Variants in TJP1 observed in about 807,000 individuals in gnomAD.
TJP1 encodes the protein tight junction protein ZO-1.
A neutral mutation model predicts 194.2 loss-of-function variants in TJP1; 43 were observed. The observed-to-expected ratio is 0.22, with a 90% CI of 0.17 to 0.29. The LOEUF (loss-of-function observed/expected upper bound fraction) is 0.29. TJP1 is among the 10% of genes least tolerant of loss of function. TJP1 has a pLI of 1.00. For synonymous variants in TJP1, 801 were observed against 779.0 expected, an observed-to-expected ratio of 1.03 and a Z score of -0.47; for missense variants, 1,971 against 2,185.7, an observed-to-expected ratio of 0.90 and a Z score of 1.96.
At chr15:29,836,374 G>A (rs887966417) in intron 2 of TJP1, among the ~76,000 whole-genome samples, 3 of 151,718 alleles carry the variant, frequency 2.0e-5, no homozygotes, top group African/African-American at 7.3e-5. Context: ...CCGGGTTCAC[G>A]CCATTCACCT....
intron 2 of TJP1, among the ~76,000 whole-genome samples, chr15:29,871,057 C>T (rs2052500302): frequency 1.3e-5 from 2 of 152,154 alleles, no homozygotes; most frequent in South Asian, 4.1e-4. Flanking sequence ...TTCCCAGAGG[C>T]AAGCTCTGAA....
chr15:29,864,120 G>A (rs143305775), intron 2 of TJP1, among the ~76,000 whole-genome samples: 153 of 151,808 alleles, frequency 1.0e-3, no homozygotes, highest in African/African-American at 3.4e-3. Flanking sequence ...CCGGCCGGGC[G>A]CGGTGGCTCA....
At chr15:29,725,240 C>G (rs1271829906) in intron 18 of TJP1, among the ~76,000 whole-genome samples, 1 of 152,192 alleles carries the variant, frequency 6.6e-6, no homozygotes, top group Non-Finnish European at 1.5e-5. Flanking sequence ...ATGCATGGTC[C>G]ATCCCCCAGA....
Position 29,766,524 on chromosome 15 carries a change from T to C in TJP1, c.331A>G (p.Lys111Glu). The C allele has an allele frequency of 1.9e-6, 3 of 1,561,810 alleles. No individual in the cohort carries two copies. Among genetic ancestry groups the C allele is most frequent in the Non-Finnish European group, 1.7e-6 (2 of 1,155,892 alleles). Residue 111 changes from lysine to glutamate, a missense_variant, in exon 5 of 28, where the codon AAA (lysine) becomes GAA (glutamate). Lys to Glu is a moderately conservative substitution (Grantham distance 56, BLOSUM62 1). Around this residue, in one of 5 missense-constraint regions of TJP1, gnomAD observed 245 missense variants for 336.6 expected, o/e 0.73. Transcript: ENST00000614355. ...GGACGACTTACTGGTATTTGAACTT[T>C]CTTCTTCCTTCTAATTGTCTGCAAG... ...NAKITIRRKK[K>E]VQIPVSRPDP... is the part of the protein sequence containing the mutation.
intron 2 of TJP1, among the ~76,000 whole-genome samples, chr15:29,898,092 T>A (rs2152187358): frequency 6.6e-6 from 1 of 152,332 alleles, no homozygotes; most frequent in South Asian, 2.1e-4. Flanking sequence ...TTTGGCTGTG[T>A]TCCCACCCAA....
chr15:29,732,280 A>G (rs2043715933), intron 15 of TJP1, 153 bp downstream of exon 15: 3 of 648,368 alleles, frequency 4.6e-6, no homozygotes, highest in Non-Finnish European at 5.3e-6. Context: ...GGACATGGTC[A>G]CTGGGGTTTT....
At chr15:29,778,508 T>C (rs1001379489) in intron 2 of TJP1, among the ~76,000 whole-genome samples, 9 of 152,072 alleles carry the variant, frequency 5.9e-5, no homozygotes, top group Non-Finnish European at 1.2e-4. Context: ...TTTCAACAGA[T>C]TTCTCACCTC....
intron 2 of TJP1, among the ~76,000 whole-genome samples, chr15:29,899,295 C>T (rs1343516084): frequency 6.6e-6 from 1 of 152,170 alleles, no homozygotes; most frequent in Admixed American, 6.5e-5. Flanking sequence ...CAGACAAGTT[C>T]CAAATCCTTA....
At chr15:29,705,395 G>A (rs2150991958) in intron 26 of TJP1, 133 bp downstream of exon 26, 2 of 914,734 alleles carry the variant, frequency 2.2e-6, no homozygotes, top group Non-Finnish European at 3.3e-6. Flanking sequence ...ACCGTCCCCA[G>A]GGCACCCCTC....
Position 29,761,699 on chromosome 15 carries a change from T to G in TJP1, c.764A>C (p.Lys255Thr). The change falls in exon 7 of 28, where the codon AAA becomes ACA. Residue 255 changes from lysine (K) to threonine (T), a missense_variant. Physicochemically the swap from Lys to Thr is moderately conservative, Grantham distance 78 (BLOSUM62 -1). This residue lies in a region of TJP1 where 245 missense variants were observed against 336.6 expected (regional missense o/e 0.73). Coordinates refer to ENST00000614355, the MANE Select transcript of TJP1 (RefSeq NM_001330239.4). ...ATCTCTTTGAACTACCATTTTTAAT[T>G]TGCCTTTAGACCTTTCTATCAATGT... ...AKTLIERSKG[K>T]LKMVVQRDER... 1.9e-6 allele frequency: 3 copies of G among 1,609,698 alleles called. No individual in the cohort carries two copies. The highest frequency in any genetic ancestry group is 2.6e-6 in the Non-Finnish European group (3 of 1,176,392).
chr15:29,797,281 C>G (rs1393568709), intron 2 of TJP1, among the ~76,000 whole-genome samples: 1 of 152,170 alleles, frequency 6.6e-6, no homozygotes, highest in African/African-American at 2.4e-5. Flanking sequence ...TCCCGAGTAG[C>G]TGGGACTACA....
chr15:29,838,992 C>CTTT (rs760557407), intron 2 of TJP1, among the ~76,000 whole-genome samples: 1,978 of 83,382 alleles, frequency 0.024, 25 homozygotes, highest in Non-Finnish European at 0.027. Context: ...AAAAATTCAC[C>CTTT]TTTTTTTTTT....
chr15:29,873,241 C>A (rs1453617933), intron 2 of TJP1, among the ~76,000 whole-genome samples: 3 of 152,196 alleles, frequency 2.0e-5, no homozygotes, highest in African/African-American at 7.2e-5. Context: ...AAAAGAATTT[C>A]TTATTAAATA....
intron 8 of TJP1, among the ~76,000 whole-genome samples, chr15:29,751,135 C>G (rs1334732814): frequency 6.6e-6 from 1 of 152,198 alleles, no homozygotes; most frequent in Non-Finnish European, 1.5e-5. Flanking sequence ...TCTCTCTCTG[C>G]ACTGGTACCC....
In TJP1 at chr15:29,718,481, C is replaced by T. The variant is rs771564092; in HGVS notation, c.3661G>A (p.Ala1221Thr). ...AGHFEPLHGA[A>T]AVPPLIPSSQ... ...GAAGGTATCAGCGGAGGGACAGCTGCAGCACCATGGAGAGGCTCAAAATGA... is the reference window on the plus strand; with the variant it reads ...GAAGGTATCAGCGGAGGGACAGCTGTAGCACCATGGAGAGGCTCAAAATGA... Residue 1221 changes from alanine to threonine, a missense_variant, in exon 21 of 28, where the codon GCA (alanine) becomes ACA (threonine). Transcript: ENST00000614355. 4 of 1,614,044 alleles carry T rather than the reference C, an allele frequency of 2.5e-6. No individual in the cohort carries two copies. Among genetic ancestry groups the T allele is most frequent in the African/African-American group, 1.3e-5 (1 of 74,902 alleles).
chr15:29,796,012 T>G (rs369978660), intron 2 of TJP1, among the ~76,000 whole-genome samples: 5 of 151,798 alleles, frequency 3.3e-5, no homozygotes, highest in African/African-American at 1.2e-4. Context: ...TTCCTCAATC[T>G]AACAAATGGC....
upstream of TJP1, chr15:29,822,560 G>GACGA: frequency 1.9e-5 from 16 of 850,462 alleles, no homozygotes; most frequent in Non-Finnish European, 1.8e-5. Context: ...GAGGGGGCGG[G>GACGA]GCCGCGGCGG....
chr15:29,719,283 G>T, intron 20 of TJP1, 145 bp from the exon 21 acceptor site: 2 of 1,046,528 alleles, frequency 1.9e-6, no homozygotes, highest in South Asian at 4.3e-5. Flanking sequence ...CAAGATTAGT[G>T]GAAAAAGCTG....
chr15:29,718,812 G>A lies in TJP1; in HGVS notation c.3330C>T (p.His1110=). Residue 1110 remains histidine, a synonymous_variant, in exon 21 of 28, where the codon CAC becomes CAT. Coordinates refer to ENST00000614355, the MANE Select transcript of TJP1 (RefSeq NM_001330239.4). ...YPSRPPFDNQ[H]SQDLDSRQHP... is the part of the protein sequence containing the mutation. ...GCTGTCTGGAGTCAAGGTCTTGAGA[G>A]TGCTGATTATCAAAAGGTGGCCGAG... 6.2e-7 allele frequency: 1 copy of A among 1,614,184 alleles called. No homozygotes were observed. Among genetic ancestry groups the A allele is most frequent in the Non-Finnish European group, 8.5e-7 (1 of 1,180,038 alleles).
Sources: gnomAD v4.1 joint callset for allele counts (sites outside exome capture counted in the v4.1 genomes callset) on GRCh38, gnomAD v4.1.1 for gene constraint, gnomAD v4.1.1 regional missense constraint, MANE v1.5 for transcripts, NCBI Gene and HGNC (gene_info 2026-07-23, HGNC 2026-07-21) for gene names.